The following GSDMC variants were observed in gnomAD, a reference collection of about 807,000 sequenced individuals.
The protein encoded by GSDMC is gasdermin-C.
GSDMC carries 59 observed loss-of-function variants against 58.0 expected under a neutral mutation model. That is an observed-to-expected ratio of 1.02 (90% confidence interval 0.82 to 1.26). GSDMC has a LOEUF of 1.26. Among genes scored for constraint, GSDMC ranks in the 50% most tolerant of loss-of-function variants. The pLI, the probability that GSDMC is intolerant of heterozygous loss-of-function variation, is 0.00. For synonymous variants in GSDMC, 241 were observed against 220.2 expected, an observed-to-expected ratio of 1.09 and a Z score of -0.83; for missense variants, 659 against 598.5, an observed-to-expected ratio of 1.10 and a Z score of -1.06.
At chr8:129,743,662 G>T (rs531799890), downstream of GSDMC, among the ~76,000 whole-genome samples, 1 of 152,254 alleles carries the variant, frequency 6.6e-6, no homozygotes, top group South Asian at 2.1e-4. Flanking sequence ...AATGTGTCTG[G>T]ATTTTGTTGT....
At chr8:129,770,986 C>G (rs2034027661) in intron 3 of GSDMC, among the ~76,000 whole-genome samples, 1 of 150,798 alleles carries the variant, frequency 6.6e-6, no homozygotes, top group Non-Finnish European at 1.5e-5. Context: ...GGTGGCCATA[C>G]TTACACAGAC....
chr8:129,751,486 C>A, intron 10 of GSDMC, 56 bp downstream of exon 10: 1 of 1,479,384 alleles, frequency 6.8e-7, no homozygotes, highest in Non-Finnish European at 9.3e-7. Flanking sequence ...AACTTGGGTG[C>A]TCAGACTTGC....
rs2033841537 is a variant in GSDMC, at chr8:129,765,887, G to C, written c.405-94C>G. The C allele has an allele frequency of 1.0e-5, 10 of 981,472 alleles. No individual in the cohort carries two copies. In the South Asian group the frequency reaches 1.1e-4, roughly 11 times the overall value. 60.8% of individuals were successfully genotyped at this position (981,472 alleles called of 1,614,324 possible). ...GCCCTTCTCCCCAAGACCTGGGAGG[G>C]GTGCAATGGCTTTGGACCCTGACAG... is the stretch of plus-strand genomic sequence containing the variant. On this transcript the variant is annotated intron_variant, in intron 3 of 13. Transcript: ENST00000276708.
At chr8:129,768,515 T>C (rs1407424260) in intron 3 of GSDMC, among the ~76,000 whole-genome samples, 1 of 151,824 alleles carries the variant, frequency 6.6e-6, no homozygotes, top group African/African-American at 2.4e-5. Context: ...CACAAAGAAA[T>C]AGAAACCATT....
At chr8:129,737,742 A>G in the GSDMC span, among the ~76,000 whole-genome samples, 1,658 of 152,336 alleles carry the variant, frequency 0.011, 23 homozygotes, top group African/African-American at 0.038. Flanking sequence ...CATTCAGGAC[A>G]TAGGCATGGG....
the GSDMC span, among the ~76,000 whole-genome samples, chr8:129,709,173 CT>C: frequency 0.41 from 59,770 of 147,464 alleles, 16,449 homozygotes; most frequent in African/African-American, 0.76. Flanking sequence ...ATTCCCCCTT[CT>C]TTTTTTTTTT....
chr8:129,781,008 T>C (rs764810046), intron 1 of GSDMC, among the ~76,000 whole-genome samples: 3 of 152,160 alleles, frequency 2.0e-5, no homozygotes, highest in Non-Finnish European at 2.9e-5. Flanking sequence ...GCAAGCCTCA[T>C]AGTAATTTCA....
the GSDMC span, among the ~76,000 whole-genome samples, chr8:129,719,092 T>C: frequency 6.6e-6 from 1 of 152,036 alleles, no homozygotes; most frequent in African/African-American, 2.4e-5. Flanking sequence ...AGATGACGAG[T>C]TGATGGGTGC....
rs753588428 is a variant in GSDMC at position 129,777,535 on chromosome 8, C to T, written c.53G>A (p.Ser18Asn). 2 of 1,613,402 alleles carry T rather than the reference C, an allele frequency of 1.2e-6. No individual in the cohort carries two copies. Among genetic ancestry groups the T allele is most frequent in the Middle Eastern group, 1.7e-4 (1 of 6,060 alleles). The change falls in exon 2 of 14, where the codon AGC becomes AAC. Residue 18 changes from serine (S) to asparagine (N), a missense_variant. Coordinates refer to ENST00000276708, the MANE Select transcript of GSDMC (RefSeq NM_031415.3). ...GTATTTGACAGGTGTCAGGTCTTTG[C>T]TTCCAATCTCTTTGACCAAATTTTT... is the stretch of plus-strand genomic sequence containing the variant. Reference protein sequence around the residue: ...ISKNLVKEIGSKDLTPVKYLL... With the variant: ...ISKNLVKEIGNKDLTPVKYLL...
intron 3 of GSDMC, among the ~76,000 whole-genome samples, chr8:129,775,400 G>T (rs1312046818): frequency 1.3e-5 from 2 of 152,134 alleles, no homozygotes; most frequent in East Asian, 3.8e-4. Context: ...GTTAGCAGGG[G>T]TTAGGAAGTC....
intron 10 of GSDMC, 67 bp from the exon 11 acceptor site, chr8:129,750,637 G>A: frequency 6.6e-7 from 1 of 1,518,360 alleles, no homozygotes. Context: ...TCCTTGGAAT[G>A]ACAGCCTGTT....
At chr8:129,753,572 C>T (rs80301500) in intron 6 of GSDMC, among the ~76,000 whole-genome samples, 5,561 of 152,204 alleles carry the variant, frequency 0.037, 141 homozygotes, top group Non-Finnish European at 0.047. Context: ...TTCCCAGCTG[C>T]GGTGGCTATG....
At chr8:129,772,218 G>A (rs62524985) in intron 3 of GSDMC, among the ~76,000 whole-genome samples, 21,738 of 142,664 alleles carry the variant, frequency 0.15, 1,672 homozygotes, top group South Asian at 0.23. Context: ...CGGAGATCGC[G>A]CCACTGCACT....
At chr8:129,706,725 G>A in the GSDMC span, 1 of 152,146 alleles carries the variant, frequency 6.6e-6, no homozygotes, top group Non-Finnish European at 1.5e-5. Flanking sequence ...GTTCATGGAG[G>A]AAAAATATCA....
intron 13 of GSDMC, among the ~76,000 whole-genome samples, chr8:129,749,054 A>G (rs544731891): frequency 3.3e-5 from 5 of 152,326 alleles, no homozygotes; most frequent in East Asian, 1.9e-4. Context: ...GTATTTATAT[A>G]CACATATACT....
At chr8:129,751,378 T>G (rs1324184011) in intron 10 of GSDMC, among the ~76,000 whole-genome samples, 164 bp downstream of exon 10, 1 of 152,138 alleles carries the variant, frequency 6.6e-6, no homozygotes, top group Non-Finnish European at 1.5e-5. Context: ...AAAATAATTC[T>G]TGTTGTCCAA....
At chr8:129,730,227 G>A in the GSDMC span, 105 of 1,288,538 alleles carry the variant, frequency 8.1e-5, no homozygotes, top group Middle Eastern at 5.7e-4. Flanking sequence ...TAAAAGACAC[G>A]ATGCTAGAAA....
At chr8:129,739,893 C>T in the GSDMC span, among the ~76,000 whole-genome samples, 1 of 152,018 alleles carries the variant, frequency 6.6e-6, no homozygotes, top group Non-Finnish European at 1.5e-5. Flanking sequence ...CCTTGTTATC[C>T]TAGGAGATGA....
At chr8:129,751,375 T>C (rs545834844) in intron 10 of GSDMC, among the ~76,000 whole-genome samples, 167 bp downstream of exon 10, 3 of 152,268 alleles carry the variant, frequency 2.0e-5, no homozygotes, top group African/African-American at 7.2e-5. Flanking sequence ...TTCAAAATAA[T>C]TCTTGTTGTC....
Sources: gnomAD v4.1 joint callset for allele counts (sites outside exome capture counted in the v4.1 genomes callset) on GRCh38, gnomAD v4.1.1 for gene constraint, MANE v1.5 for transcripts, NCBI Gene and HGNC (gene_info 2026-07-23, HGNC 2026-07-21) for gene names.